GAA: variants seen among roughly 807,000 people sequenced by gnomAD.
GAA encodes alpha glucosidase.
Under a neutral mutation model 103.9 loss-of-function variants are expected in GAA, and 88 were observed. The observed-to-expected ratio is 0.85, with a 90% CI of 0.71 to 1.01. The LOEUF (loss-of-function observed/expected upper bound fraction) is 1.01, where lower values mean the gene tolerates loss of function less well. Among genes scored for constraint, GAA ranks in the 50% least tolerant of loss-of-function variants. The pLI, the probability that GAA is intolerant of heterozygous loss-of-function variation, is 0.00. For missense variants in GAA, 1,350 were observed against 1,305.3 expected, an observed-to-expected ratio of 1.03 and a Z score of -0.53; for synonymous variants, 572 against 563.1, an observed-to-expected ratio of 1.02 and a Z score of -0.22.
chr17:80,105,935 C>G (rs750906857), intron 3 of GAA, 41 bp downstream of exon 3: 1 of 1,558,404 alleles, frequency 6.4e-7, no homozygotes, highest in Non-Finnish European at 8.7e-7. Flanking sequence ...GGGAGGGCGA[C>G]GCGCATTTCT....
chr17:80,111,971 C>T lies in GAA; in HGVS notation c.1637-12C>T, dbSNP rs374923144. Reference sequence around the variant, plus strand: ...AGGAAGCTCCCTGGAAACCAGCCCCCGCCTCTTCCAGGGGTGGTTGGGGGG... The same window carrying T: ...AGGAAGCTCCCTGGAAACCAGCCCCTGCCTCTTCCAGGGGTGGTTGGGGGG... On this transcript the variant is annotated splice_polypyrimidine_tract_variant and intron_variant, in intron 11 of 19. Transcript: ENST00000302262. 6.3e-5 allele frequency: 102 copies of T among 1,610,138 alleles called. No individual in the cohort carries two copies. The highest frequency in any genetic ancestry group is 2.1e-4 in the African/African-American group (16 of 74,846).
intron 17 of GAA, 135 bp from the exon 18 acceptor site, chr17:80,118,058 C>T: frequency 9.6e-7 from 1 of 1,046,910 alleles, no homozygotes; most frequent in South Asian, 1.6e-5. Context: ...GTTCCAGCCC[C>T]TGCGGCCGCA....
At chr17:80,111,885 C>T (rs1465471962) in intron 11 of GAA, 98 bp from the exon 12 acceptor site, 20 of 980,108 alleles carry the variant, frequency 2.0e-5, no homozygotes, top group South Asian at 4.1e-5. Context: ...GAAGAGGCAG[C>T]GACCTGCACA....
chr17:80,118,516 C>T, intron 18 of GAA, 137 bp from the exon 19 acceptor site: 2 of 1,379,638 alleles, frequency 1.4e-6, no homozygotes, highest in South Asian at 2.3e-5. Flanking sequence ...GCCGTGCACT[C>T]TGCCCTTTCG....
rs549804825 is a variant in GAA, at chr17:80,110,293, C to T, written c.1437+238C>T. 3.7e-4 allele frequency among the ~76,000 whole-genome samples: 56 copies of T among 152,354 alleles called. No homozygotes were observed. The South Asian group carries it at 6.6e-3, about 18-fold the overall frequency. On this transcript the variant is annotated intron_variant, in intron 9 of 19. Coordinates refer to ENST00000302262, the MANE Select transcript of GAA (RefSeq NM_000152.5). The stretch of plus-strand genomic sequence containing the variant: ...CAGCTGGGCCTGGCCCAGGCACAAG[C>T]CCTGCAGACCCTCAGTGAGGCCTTA...
At chr17:80,112,536 C>T (rs1277229631) in intron 12 of GAA, 42 bp from the exon 13 acceptor site, 3 of 1,611,770 alleles carry the variant, frequency 1.9e-6, no homozygotes, top group Admixed American at 3.3e-5. Context: ...TCCCGAGTGA[C>T]CCCGCTCCAC....
At position 80,108,831 on chromosome 17, in the gene GAA, G is replaced by T; in HGVS notation, c.1326+3G>T. 1.3e-6 allele frequency: 2 copies of T among 1,587,286 alleles called. No homozygotes were observed. The highest frequency in any genetic ancestry group is 2.3e-5 in the South Asian group (2 of 87,902). On this transcript the variant is annotated splice_donor_region_variant and intron_variant, in intron 8 of 19. Coordinates refer to ENST00000302262, the MANE Select transcript of GAA (RefSeq NM_000152.5). ...GCCGGCGCTACATGATGATCGTGGT[G>T]TGTGCCCCCACACTGTGGGTCTTTG...
chr17:80,108,930 G>T, intron 8 of GAA, 102 bp downstream of exon 8: 1 of 1,388,010 alleles, frequency 7.2e-7, no homozygotes, highest in Non-Finnish European at 9.7e-7. Context: ...GGTCGCCGAG[G>T]ATGTTTTCTG....
intron 3 of GAA, 74 bp from the exon 4 acceptor site, chr17:80,107,483 G>A: frequency 6.3e-7 from 1 of 1,595,886 alleles, no homozygotes; most frequent in Non-Finnish European, 8.6e-7. Context: ...AGGGCCCGGG[G>A]GTGCTCTCTG....
At position 80,108,692 on chromosome 17, in the gene GAA, T is replaced by C. The variant is rs2143856963; in HGVS notation, c.1195-5T>C. ...CCAGCAGACGGTCCCGTGTTGTGGC[T>C]GCAGGACGTCCAGTGGAACGACCTG... On this transcript the variant is annotated splice_region_variant and splice_polypyrimidine_tract_variant and intron_variant, in intron 7 of 19. Transcript: ENST00000302262. 6.2e-7 allele frequency: 1 copy of C among 1,612,796 alleles called. No individual in the cohort carries two copies. The highest frequency in any genetic ancestry group is 8.5e-7 in the Non-Finnish European group (1 of 1,179,962).
intron 17 of GAA, 109 bp from the exon 18 acceptor site, chr17:80,118,084 C>T (rs891670570): frequency 1.5e-5 from 19 of 1,282,876 alleles, no homozygotes; most frequent in Non-Finnish European, 1.8e-5. Context: ...TCCTGCAGAT[C>T]CTAGTTACTG....
chr17:80,112,828 T>C lies in GAA; in HGVS notation c.1889-48T>C, dbSNP rs1393145203. ...GGGCTCTGGGTCACTTGGCCTGAGC[T>C]GGCTCTGCTGCAGCAGCCTGAGGAC... is the stretch of plus-strand genomic sequence containing the variant. On this transcript the variant is annotated intron_variant, in intron 13 of 19. Transcript: ENST00000302262. The C allele has an allele frequency of 1.9e-6, 3 of 1,590,706 alleles. No homozygotes were observed. In the South Asian group the frequency reaches 3.4e-5, roughly 18 times the overall value.
chr17:80,110,231 G>A (rs531607963), intron 9 of GAA, among the ~76,000 whole-genome samples, 176 bp downstream of exon 9: 106 of 152,368 alleles, frequency 7.0e-4, no homozygotes, highest in Middle Eastern at 3.4e-3. Context: ...GAATGGCCCC[G>A]TGAGTTCTTC....
At chr17:80,117,353 C>T (rs1386915924) in intron 16 of GAA, among the ~76,000 whole-genome samples, 1 of 152,224 alleles carries the variant, frequency 6.6e-6, no homozygotes, top group Non-Finnish European at 1.5e-5. Flanking sequence ...GTCCCACGGC[C>T]ATCACAGGCT....
Position 80,113,307 on chromosome 17 carries a change from C to T in GAA, c.2130C>T (p.Tyr710=). The T allele has an allele frequency of 6.3e-7, 1 of 1,599,214 alleles. No individual in the cohort carries two copies. The highest frequency in any genetic ancestry group is 8.5e-7 in the Non-Finnish European group (1 of 1,173,182). ...GCTACGCACTCCTCCCCCACCTCTA[C>T]ACACTGTTCCACCAGGCCCACGTCG... The part of the protein sequence containing the change: ...TLRYALLPHL[Y]TLFHQAHVAG... The change falls in exon 15 of 20, where the codon TAC becomes TAT. Residue 710 remains tyrosine (Y), a synonymous_variant. Coordinates refer to ENST00000302262, the MANE Select transcript of GAA (RefSeq NM_000152.5).
In GAA at chr17:80,112,474, C is replaced by T. The variant is rs1247849360; in HGVS notation, c.1755-104C>T. The T allele has an allele frequency of 2.8e-6, 4 of 1,438,188 alleles. No homozygotes were observed. The African/African-American group carries it at 5.6e-5, about 20-fold the overall frequency. The allele number at this position is 1,438,188 out of a possible 1,614,324, so 89.1% of individuals were successfully genotyped here. Reference sequence around the variant, plus strand: ...TCGCCGTCCTCCTCCCCAGCCTCTGCCTCATCCCAGAAAGCTCCTTGCTCC... The same window carrying T: ...TCGCCGTCCTCCTCCCCAGCCTCTGTCTCATCCCAGAAAGCTCCTTGCTCC... On this transcript the variant is annotated intron_variant, in intron 12 of 19. Coordinates refer to ENST00000302262, the MANE Select transcript of GAA (RefSeq NM_000152.5).
intron 19 of GAA, 122 bp from the exon 20 acceptor site, chr17:80,119,150 C>A: frequency 9.8e-7 from 1 of 1,017,404 alleles, no homozygotes; most frequent in Non-Finnish European, 1.6e-6. Flanking sequence ...CGGAGCTGCC[C>A]CCTGAGCGCC....
rs369531647 is a variant in GAA at position 80,112,664 on chromosome 17, C to T, written c.1841C>T (p.Thr614Met). 19 of 1,612,230 alleles carry T rather than the reference C, an allele frequency of 1.2e-5. No homozygotes were observed. The highest frequency in any genetic ancestry group is 8.0e-5 in the African/African-American group (6 of 74,920). The stretch of plus-strand genomic sequence containing the variant: ...CACGGCCGATACGCCGGCCACTGGA[C>T]GGGGGACGTGTGGAGCTCCTGGGAG... ...AGHGRYAGHW[T>M]GDVWSSWEQL... is the part of the protein sequence containing the mutation. Residue 614 changes from threonine (T) to methionine (M), a missense_variant, in exon 13 of 20, where the codon ACG becomes ATG. Coordinates refer to ENST00000302262, the MANE Select transcript of GAA (RefSeq NM_000152.5).
At position 80,110,727 on chromosome 17, in the gene GAA, G is replaced by C. The variant is rs769574574; in HGVS notation, c.1438G>C (p.Val480Leu). The change falls in exon 10 of 20, where the codon GTA (valine) becomes CTA (leucine). Residue 480 changes from valine (V) to leucine (L), a missense_variant and splice_region_variant. By Grantham distance (32) the Val-to-Leu change is conservative. Coordinates refer to ENST00000302262, the MANE Select transcript of GAA (RefSeq NM_000152.5). ...NETGQPLIGK[V>L]WPGSTAFPDF... ...CCCACTGCAGCCTCTCGTTGTCCAG[G>C]TATGGCCCGGGTCCACTGCCTTCCC... 5 of 1,613,806 alleles carry C rather than the reference G, an allele frequency of 3.1e-6. No individual in the cohort carries two copies. Among genetic ancestry groups the C allele is most frequent in the Non-Finnish European group, 4.2e-6 (5 of 1,179,916 alleles).
Sources: gnomAD v4.1 joint callset for allele counts (sites outside exome capture counted in the v4.1 genomes callset) on GRCh38, gnomAD v4.1.1 for gene constraint, MANE v1.5 for transcripts, NCBI Gene and HGNC (gene_info 2026-07-23, HGNC 2026-07-21) for gene names.